Variants in SIL1 observed in about 807,000 individuals in gnomAD.
SIL1 encodes the protein SIL1 nucleotide exchange factor, also known as nucleotide exchange factor SIL1.
Under a neutral mutation model 49.1 loss-of-function variants are expected in SIL1, and 40 were observed. The ratio of observed to expected loss-of-function variants is 0.81; its 90% CI spans 0.63 to 1.06. The LOEUF is 1.06. Ranked by LOEUF, SIL1 falls within the 50% of genes least tolerant of loss-of-function variation. SIL1 has a pLI of 0.00. For synonymous variants in SIL1, 253 were observed against 250.8 expected, an observed-to-expected ratio of 1.01 and a Z score of -0.08; for missense variants, 500 against 572.6, an observed-to-expected ratio of 0.87 and a Z score of 1.29.
intron 5 of SIL1, among the ~76,000 whole-genome samples, chr5:139,033,546 G>C (rs934658127): frequency 1.3e-5 from 2 of 151,526 alleles, no homozygotes; most frequent in African/African-American, 4.9e-5. Context: ...TTTTGATAAA[G>C]TGCATTTTCA....
chr5:139,119,812 T>C (rs1750580825), intron 3 of SIL1, among the ~76,000 whole-genome samples: 1 of 152,166 alleles, frequency 6.6e-6, no homozygotes, highest in African/African-American at 2.4e-5. Context: ...TCAGCGGATA[T>C]AGTCCGTATC....
chr5:138,959,749 T>A (rs10053642), intron 7 of SIL1, among the ~76,000 whole-genome samples: 17,024 of 152,234 alleles, frequency 0.11, 3,076 homozygotes, highest in African/African-American at 0.38. Context: ...AAACCTACCC[T>A]CAGGGATCCA....
chr5:139,025,862 A>G (rs1356846040), intron 6 of SIL1, among the ~76,000 whole-genome samples: 3 of 152,208 alleles, frequency 2.0e-5, no homozygotes, highest in East Asian at 1.9e-4. Flanking sequence ...CAACTACTCA[A>G]TTCTGCCATT....
chr5:139,170,002 G>C (rs527662895), intron 1 of SIL1, among the ~76,000 whole-genome samples: 1 of 152,234 alleles, frequency 6.6e-6, no homozygotes, highest in Non-Finnish European at 1.5e-5. Context: ...AAGTGCCTGC[G>C]ATTACAGGCG....
chr5:139,077,809 C>T (rs1769984910), intron 3 of SIL1, among the ~76,000 whole-genome samples: 1 of 140,228 alleles, frequency 7.1e-6, no homozygotes, highest in Non-Finnish European at 1.5e-5. Context: ...GTTACAGAGT[C>T]AGCTCTTTGA....
intron 3 of SIL1, among the ~76,000 whole-genome samples, chr5:139,077,082 C>T (rs906359027): frequency 6.6e-5 from 10 of 151,980 alleles, no homozygotes; most frequent in African/African-American, 7.3e-5. Flanking sequence ...TGCAGTGAGC[C>T]GAGACCATAC....
At chr5:139,084,994 C>T (rs753768764) in intron 3 of SIL1, among the ~76,000 whole-genome samples, 5 of 152,100 alleles carry the variant, frequency 3.3e-5, no homozygotes, top group Non-Finnish European at 5.9e-5. Flanking sequence ...CATGCTTCAC[C>T]ATCTAGCAGC....
chr5:139,076,610 T>G (rs1188929628), intron 3 of SIL1, among the ~76,000 whole-genome samples: 4 of 152,172 alleles, frequency 2.6e-5, no homozygotes, highest in Non-Finnish European at 4.4e-5. Context: ...ATTTCCAATT[T>G]GGAGGAGTAA....
chr5:138,974,759 T>G (rs573431566), intron 7 of SIL1, among the ~76,000 whole-genome samples: 26 of 152,340 alleles, frequency 1.7e-4, no homozygotes, highest in Non-Finnish European at 2.2e-4. Flanking sequence ...AGCACAATGA[T>G]GATGATGATA....
intron 1 of SIL1, among the ~76,000 whole-genome samples, chr5:139,161,356 C>A (rs188721465): frequency 6.6e-6 from 1 of 152,044 alleles, no homozygotes. Context: ...ATTTGAGAGC[C>A]GTATAGTGAA....
intron 7 of SIL1, among the ~76,000 whole-genome samples, chr5:138,995,121 C>T (rs543648706): frequency 6.6e-6 from 1 of 152,130 alleles, no homozygotes; most frequent in East Asian, 1.9e-4. Flanking sequence ...GATTCCATGT[C>T]TTTGCTATTG....
rs372191359 is a variant in SIL1, at chr5:139,170,279, C to T, written c.-11+27990G>A. ...AAGTGCCGAGATTGCAGCTTCTGCC[C>T]GGCCGCCACCCCGTCTGGGAAGTGA... is the stretch of plus-strand genomic sequence containing the variant. On this transcript the variant is annotated intron_variant, in intron 1 of 9. Transcript: ENST00000394817. Among the ~76,000 whole-genome samples, 80 of 152,224 alleles carry T rather than the reference C, an allele frequency of 5.3e-4. No individual in the cohort carries two copies. In the East Asian group the frequency reaches 0.014, roughly 27 times the overall value.
At chr5:139,102,088 C>G (rs1357034288) in intron 3 of SIL1, among the ~76,000 whole-genome samples, 1 of 152,164 alleles carries the variant, frequency 6.6e-6, no homozygotes, top group East Asian at 1.9e-4. Flanking sequence ...CAAGTATATT[C>G]ACTAATGAAT....
At chr5:139,196,067 G>A (rs1053956402) in intron 1 of SIL1, among the ~76,000 whole-genome samples, 3 of 152,126 alleles carry the variant, frequency 2.0e-5, no homozygotes, top group African/African-American at 7.2e-5. Flanking sequence ...GTGCGCCCCT[G>A]TAGTCCCAAC....
intron 3 of SIL1, among the ~76,000 whole-genome samples, chr5:139,083,956 G>T (rs1332040164): frequency 9.7e-6 from 1 of 102,874 alleles, no homozygotes; most frequent in East Asian, 2.8e-4. Context: ...CCCATTGCTT[G>T]TTTTTCTCAG....
intron 3 of SIL1, among the ~76,000 whole-genome samples, chr5:139,071,203 A>G (rs1238831797): frequency 4.2e-5 from 6 of 144,088 alleles, no homozygotes; most frequent in African/African-American, 5.1e-5. Context: ...AGAAGAAGAA[A>G]AAAAAAAGCA....
At chr5:139,132,439 A>G (rs1407696222) in intron 1 of SIL1, among the ~76,000 whole-genome samples, 1 of 152,188 alleles carries the variant, frequency 6.6e-6, no homozygotes, top group African/African-American at 2.4e-5. Flanking sequence ...ATCTTCCCTC[A>G]ATAATTCCAC....
chr5:139,149,636 C>T (rs1384083549), intron 1 of SIL1, among the ~76,000 whole-genome samples: 1 of 152,152 alleles, frequency 6.6e-6, no homozygotes, highest in African/African-American at 2.4e-5. Context: ...AGACAACAGA[C>T]GTCTCATTCA....
intron 3 of SIL1, among the ~76,000 whole-genome samples, chr5:139,095,350 A>G (rs1382579924): frequency 6.9e-6 from 1 of 144,050 alleles, no homozygotes; most frequent in Non-Finnish European, 1.5e-5. Flanking sequence ...TGCAACCTCC[A>G]CCTCCTGGGT....
Sources: gnomAD v4.1 joint callset for allele counts (sites outside exome capture counted in the v4.1 genomes callset) on GRCh38, gnomAD v4.1.1 for gene constraint, MANE v1.5 for transcripts, NCBI Gene and HGNC (gene_info 2026-07-23, HGNC 2026-07-21) for gene names.